The following SPAG9 variants were observed in gnomAD, a reference collection of about 807,000 sequenced individuals.
SPAG9 encodes the protein C-Jun-amino-terminal kinase-interacting protein 4.
A neutral mutation model predicts 166.5 loss-of-function variants in SPAG9; 35 were observed. The ratio of observed to expected loss-of-function variants is 0.21; its 90% CI spans 0.16 to 0.28. The LOEUF (loss-of-function observed/expected upper bound fraction) is 0.28, where lower values mean the gene tolerates loss of function less well. SPAG9 is among the 10% of genes least tolerant of loss of function. The pLI is 1.00. For missense variants in SPAG9, 1,235 were observed against 1,603.3 expected (o/e 0.77, Z 3.92); for synonymous variants, 534 against 565.5 (o/e 0.94, Z 0.79).
chr17:51,051,313 T>A (rs976396508), intron 3 of SPAG9, among the ~76,000 whole-genome samples: 2 of 152,184 alleles, frequency 1.3e-5, no homozygotes, highest in African/African-American at 4.8e-5. Flanking sequence ...TTCACCATGT[T>A]GGCCAGGCTG....
chr17:51,018,911 T>C (rs141900221), intron 8 of SPAG9, among the ~76,000 whole-genome samples: 1 of 152,320 alleles, frequency 6.6e-6, no homozygotes, highest in Non-Finnish European at 1.5e-5. Flanking sequence ...ATGGGATATG[T>C]CTTGGCTGTC....
intron 1 of SPAG9, among the ~76,000 whole-genome samples, chr17:51,092,849 G>A (rs1248657202): frequency 6.6e-6 from 1 of 151,866 alleles, no homozygotes; most frequent in Non-Finnish European, 1.5e-5. Flanking sequence ...AAACTGGGAG[G>A]ATTGCTTTAG....
chr17:51,049,329 T>C (rs1316726412), intron 3 of SPAG9, among the ~76,000 whole-genome samples: 1 of 151,240 alleles, frequency 6.6e-6, no homozygotes, highest in Non-Finnish European at 1.5e-5. Context: ...ATCATGCCAC[T>C]GCACTCCAGC....
At chr17:51,049,378 C>T (rs1396502860) in intron 3 of SPAG9, among the ~76,000 whole-genome samples, 2 of 151,358 alleles carry the variant, frequency 1.3e-5, no homozygotes, top group African/African-American at 2.4e-5. Context: ...AAAAAAACCA[C>T]TTTAAAAATA....
At chr17:50,995,007 T>A in intron 18 of SPAG9, 50 bp downstream of exon 18, 3 of 1,454,602 alleles carry the variant, frequency 2.1e-6, no homozygotes, top group South Asian at 1.4e-5. Context: ...GATGAAAGAG[T>A]TAAACTCATA....
intron 1 of SPAG9, among the ~76,000 whole-genome samples, chr17:51,100,758 A>C (rs897347397): frequency 2.0e-5 from 3 of 151,932 alleles, no homozygotes; most frequent in African/African-American, 7.3e-5. Flanking sequence ...CCTCTCTACT[A>C]AAAATACAAA....
chr17:50,997,672 G>A (rs1298111069), intron 15 of SPAG9, among the ~76,000 whole-genome samples: 1 of 151,926 alleles, frequency 6.6e-6, no homozygotes, highest in Non-Finnish European at 1.5e-5. Context: ...CTGTATAATT[G>A]GGTCCAATCA....
chr17:51,071,895 T>C (rs1279337906), intron 2 of SPAG9, among the ~76,000 whole-genome samples: 1 of 142,144 alleles, frequency 7.0e-6, no homozygotes, highest in African/African-American at 2.4e-5. Flanking sequence ...ACTAATACAC[T>C]GTATAAACAT....
intron 1 of SPAG9, among the ~76,000 whole-genome samples, chr17:51,113,765 G>C (rs1202516226): frequency 6.6e-6 from 1 of 151,936 alleles, no homozygotes; most frequent in Non-Finnish European, 1.5e-5. Context: ...GGGAGGCTGA[G>C]GTGCGAGGAA....
intron 1 of SPAG9, among the ~76,000 whole-genome samples, chr17:51,080,448 T>G (rs2048128664): frequency 6.6e-6 from 1 of 152,178 alleles, no homozygotes; most frequent in Admixed American, 6.6e-5. Context: ...TTACACTTAT[T>G]CCCTAGTGAT....
intron 14 of SPAG9, among the ~76,000 whole-genome samples, chr17:50,998,869 T>C (rs1567980291): frequency 6.6e-6 from 1 of 152,208 alleles, no homozygotes; most frequent in South Asian, 2.1e-4. Flanking sequence ...ATTTGTATAA[T>C]GAAAGCAAGA....
intron 8 of SPAG9, among the ~76,000 whole-genome samples, chr17:51,018,356 T>G (rs1233982689): frequency 6.6e-6 from 1 of 151,322 alleles, no homozygotes; most frequent in East Asian, 1.9e-4. Context: ...AGAGCAAGAC[T>G]GCATCTCAAA....
intron 22 of SPAG9, among the ~76,000 whole-genome samples, chr17:50,986,097 G>A (rs1026361924): frequency 6.6e-6 from 1 of 152,234 alleles, no homozygotes; most frequent in Non-Finnish European, 1.5e-5. Context: ...CTACTACACT[G>A]ATCTATAACT....
chr17:51,053,747 AG>A (rs1170809471), intron 3 of SPAG9, among the ~76,000 whole-genome samples: 6 of 148,868 alleles, frequency 4.0e-5, no homozygotes, highest in Non-Finnish European at 8.9e-5. Flanking sequence ...CTGATGTGGG[AG>A]GACTGCTTGA....
intron 4 of SPAG9, among the ~76,000 whole-genome samples, chr17:51,044,896 G>A (rs2046965867): frequency 6.6e-6 from 1 of 151,752 alleles, no homozygotes; most frequent in African/African-American, 2.4e-5. Flanking sequence ...CAATTTTTGT[G>A]GTAAAGAACT....
chr17:50,977,729 C>T (rs910398954), intron 26 of SPAG9, among the ~76,000 whole-genome samples: 12 of 152,052 alleles, frequency 7.9e-5, no homozygotes, highest in African/African-American at 2.7e-4. Context: ...ACAAAAAGTA[C>T]AAAAATTAGC....
At chr17:50,975,779 G>T in intron 27 of SPAG9, 1 of 991,184 alleles carries the variant, frequency 1.0e-6, no homozygotes, top group Non-Finnish European at 1.5e-6. Flanking sequence ...GAACATTCAA[G>T]AGGGTATTCT....
chr17:51,022,122 C>T (rs1196628625), intron 6 of SPAG9, among the ~76,000 whole-genome samples: 1 of 48,478 alleles, frequency 2.1e-5, no homozygotes, highest in Admixed American at 2.4e-4. Context: ...GACTCCATCT[C>T]AAAAAAAAAA....
intron 2 of SPAG9, among the ~76,000 whole-genome samples, chr17:51,060,150 A>G (rs753310375): frequency 4.0e-5 from 6 of 151,836 alleles, no homozygotes; most frequent in South Asian, 4.2e-4. Context: ...TCACCCCCCA[A>G]ATTCATAGGT....
Sources: allele counts gnomAD v4.1 joint callset (sites outside exome capture counted in the v4.1 genomes callset), GRCh38; gene constraint gnomAD v4.1.1; transcripts MANE v1.5; gene names NCBI Gene and HGNC (gene_info 2026-07-23, HGNC 2026-07-21).